OC90: variants seen among roughly 807,000 people sequenced by gnomAD.
OC90 encodes the protein otoconin 90.
In OC90, 46 loss-of-function variants were observed where a neutral mutation model predicts 47.3. That is an observed-to-expected ratio of 0.97 (90% confidence interval 0.77 to 1.24). OC90 has a LOEUF of 1.24. Ranked by LOEUF, OC90 falls within the 50% of genes most tolerant of loss-of-function variation. OC90 has a pLI of 0.00. For missense variants in OC90, 688 were observed against 583.9 expected (o/e 1.18, Z -1.84); for synonymous variants, 271 against 219.5 (o/e 1.23, Z -2.07).
chr8:132,042,750 T>C (rs931926149), intron 4 of OC90, among the ~76,000 whole-genome samples: 82 of 152,072 alleles, frequency 5.4e-4, no homozygotes, highest in African/African-American at 1.9e-3. Flanking sequence ...TGGTGATTAT[T>C]AAAAAATCAA....
At chr8:132,051,468 T>C (rs1446541271) in intron 2 of OC90, among the ~76,000 whole-genome samples, 1 of 152,234 alleles carries the variant, frequency 6.6e-6, no homozygotes, top group Non-Finnish European at 1.5e-5. Flanking sequence ...AGAAAAAGCA[T>C]GGGCTTTAGA....
intron 4 of OC90, among the ~76,000 whole-genome samples, chr8:132,042,760 A>G (rs1823073134): frequency 6.6e-6 from 1 of 152,238 alleles, no homozygotes; most frequent in African/African-American, 2.4e-5. Context: ...TAAAAAATCA[A>G]AAAACAACAG....
At chr8:132,038,889 G>T in intron 7 of OC90, 58 bp from the exon 8 acceptor site, 1 of 1,603,450 alleles carries the variant, frequency 6.2e-7, no homozygotes, top group South Asian at 1.1e-5. Flanking sequence ...GGGAGGGTTT[G>T]AAGATGCTGG....
At chr8:132,030,705 G>C (rs1486060155) in intron 12 of OC90, among the ~76,000 whole-genome samples, 1 of 152,214 alleles carries the variant, frequency 6.6e-6, no homozygotes, top group Non-Finnish European at 1.5e-5. Flanking sequence ...AACTTCTTTA[G>C]GGTCCGCTGG....
intron 13 of OC90, among the ~76,000 whole-genome samples, chr8:132,028,009 A>G (rs1333083438): frequency 6.6e-6 from 1 of 152,176 alleles, no homozygotes; most frequent in Non-Finnish European, 1.5e-5. Context: ...GCTAAATGGG[A>G]AGAATAATAG....
intron 2 of OC90, chr8:132,049,780 A>T (rs1362991598): frequency 3.9e-6 from 2 of 508,694 alleles, no homozygotes; most frequent in African/African-American, 3.9e-5. Context: ...CTTGAGCTCA[A>T]GCCAAACCAC....
At position 132,033,154 on chromosome 8, in the gene OC90, C is replaced by T. The variant is rs776584145; in HGVS notation, c.744G>A (p.Glu248=). 1.2e-6 allele frequency: 2 copies of T among 1,605,202 alleles called. No homozygotes were observed. The highest frequency in any genetic ancestry group is 2.2e-5 in the South Asian group (2 of 88,928). Residue 248 remains glutamate (E), a synonymous_variant, in exon 11 of 14, where the codon GAG becomes GAA. Coordinates refer to ENST00000254627, the MANE Select transcript of OC90 (RefSeq NM_001080399.3). ...TAGCTGTAACCCTTGTTGCAACTAT[C>T]TCTGCAGATCCTGAAAATGAAAAAC... is the stretch of plus-strand genomic sequence containing the variant. ...ARATSPPGSA[E]IVATRVTAKI...
intron 10 of OC90, among the ~76,000 whole-genome samples, 153 bp from the exon 11 acceptor site, chr8:132,033,317 T>C (rs975634781): frequency 6.6e-6 from 1 of 152,202 alleles, no homozygotes; most frequent in Non-Finnish European, 1.5e-5. Flanking sequence ...AGGCAGAGTC[T>C]TAAGAATTCT....
intron 13 of OC90, among the ~76,000 whole-genome samples, chr8:132,028,601 G>GGAAGGAA (rs1563727488): frequency 0.01 from 80 of 7,936 alleles, no homozygotes; most frequent in African/African-American, 0.015. Context: ...GAAGGAAGGA[G>GGAAGGAA]GGAAGGAGGG....
intron 4 of OC90, among the ~76,000 whole-genome samples, chr8:132,042,215 G>A (rs1249466108): frequency 1.3e-5 from 2 of 152,142 alleles, no homozygotes; most frequent in African/African-American, 4.8e-5. Context: ...TAATCAGGAG[G>A]CCCCAAGTCT....
At chr8:132,025,901 T>C (rs979466599) in intron 13 of OC90, among the ~76,000 whole-genome samples, 2 of 152,212 alleles carry the variant, frequency 1.3e-5, no homozygotes, top group African/African-American at 4.8e-5. Context: ...TGAAAAATAT[T>C]TCCCAAGTTA....
chr8:132,036,158 C>T (rs1164572807), intron 9 of OC90, among the ~76,000 whole-genome samples: 3 of 152,280 alleles, frequency 2.0e-5, no homozygotes, highest in East Asian at 3.9e-4. Flanking sequence ...AAAGTCTGGG[C>T]TTGGAGAACA....
chr8:132,027,224 G>A (rs199866990), intron 13 of OC90, among the ~76,000 whole-genome samples: 7 of 152,240 alleles, frequency 4.6e-5, no homozygotes, highest in South Asian at 2.1e-4. Flanking sequence ...CATCACTTCC[G>A]TCCAAGCTGT....
At chr8:132,041,452 C>T in intron 5 of OC90, 73 bp downstream of exon 5, 1 of 1,380,704 alleles carries the variant, frequency 7.2e-7, no homozygotes, top group South Asian at 1.4e-5. Flanking sequence ...TATTTGTGCT[C>T]TTGCCAAGGT....
intron 13 of OC90, among the ~76,000 whole-genome samples, chr8:132,028,478 G>A (rs1782446822): frequency 6.6e-6 from 1 of 150,772 alleles, no homozygotes; most frequent in South Asian, 2.1e-4. Context: ...CTCCAGCCTG[G>A]TGGCCGAGTG....
chr8:132,028,662 G>GAAAA (rs1199057451), intron 13 of OC90, among the ~76,000 whole-genome samples: 3 of 127,844 alleles, frequency 2.3e-5, no homozygotes, highest in African/African-American at 9.2e-5. Context: ...AAGAAAGAAA[G>GAAAA]AAAGAGAGAC....
chr8:132,046,336 C>T (rs559976164), intron 2 of OC90, among the ~76,000 whole-genome samples: 5 of 152,234 alleles, frequency 3.3e-5, no homozygotes, highest in African/African-American at 7.2e-5. Flanking sequence ...ATGCAGACTC[C>T]GTAAACATTC....
At chr8:132,055,135 T>G in intron 1 of OC90, 62 bp from the exon 2 acceptor site, 1 of 907,160 alleles carries the variant, frequency 1.1e-6, no homozygotes. Context: ...AAAGAACCCA[T>G]GGGACCCCCA....
chr8:132,055,151 T>C, intron 1 of OC90, 78 bp from the exon 2 acceptor site: 1 of 754,872 alleles, frequency 1.3e-6, no homozygotes, highest in Non-Finnish European at 2.2e-6. Flanking sequence ...CCCCATGTCC[T>C]TTCTTGGTCC....
Sources: allele counts gnomAD v4.1 joint callset (sites outside exome capture counted in the v4.1 genomes callset), GRCh38; gene constraint gnomAD v4.1.1; transcripts MANE v1.5; gene names NCBI Gene and HGNC (gene_info 2026-07-23, HGNC 2026-07-21).